The following PATJ variants were observed in gnomAD, a reference collection of about 807,000 sequenced individuals.
PATJ encodes PATJ crumbs cell polarity complex component.
A neutral mutation model predicts 224.9 loss-of-function variants in PATJ; 190 were observed. The ratio of observed to expected loss-of-function variants is 0.84; its 90% CI spans 0.75 to 0.95. The LOEUF is 0.95. PATJ is among the 40% of genes least tolerant of loss of function. The pLI is 0.00. For synonymous variants in PATJ, 769 were observed against 820.3 expected, an observed-to-expected ratio of 0.94 and a Z score of 1.07; for missense variants, 2,121 against 2,270.3, an observed-to-expected ratio of 0.93 and a Z score of 1.34.
intron 27 of PATJ, among the ~76,000 whole-genome samples, chr1:61,938,531 A>AT (rs1677247056): frequency 1.3e-5 from 2 of 152,118 alleles, no homozygotes; most frequent in Admixed American, 1.3e-4. Flanking sequence ...TGTATCTAAA[A>AT]TAAAAGTTGA....
chr1:62,094,558 A>AACACAC lies in PATJ; in HGVS notation c.4377+9956_4377+9961dup, dbSNP rs58104906. On this transcript the variant is annotated intron_variant, in intron 33 of 43. Coordinates refer to ENST00000642238, the MANE Select transcript of PATJ (RefSeq NM_001350145.3). ...CTGAACCTAACCTAGATTCTGTCTC[A>AACACAC]ACACACACACACACACACACACACA... is the stretch of plus-strand genomic sequence containing the variant. Among the ~76,000 whole-genome samples the AACACAC allele has an allele frequency of 6.5e-3, 857 of 132,506 alleles. 8 individuals are homozygous for AACACAC. Among genetic ancestry groups the AACACAC allele is most frequent in the African/African-American group, 0.013 (454 of 35,096 alleles). The allele number at this position is 132,506 out of a possible 152,430, so 86.9% of individuals were successfully genotyped here.
chr1:62,002,797 T>C (rs1025882408), intron 28 of PATJ, among the ~76,000 whole-genome samples: 3 of 151,596 alleles, frequency 2.0e-5, no homozygotes, highest in Admixed American at 6.6e-5. Flanking sequence ...CTTTGATGAC[T>C]GAATGGGTTT....
intron 41 of PATJ, among the ~76,000 whole-genome samples, chr1:62,135,189 A>G (rs921259662): frequency 1.3e-5 from 2 of 152,068 alleles, no homozygotes; most frequent in African/African-American, 2.4e-5. Flanking sequence ...CAGGGGTAAG[A>G]AAAGTAGTCT....
intron 43 of PATJ, among the ~76,000 whole-genome samples, chr1:62,157,943 C>T (rs1558249743): frequency 6.7e-6 from 1 of 148,532 alleles, no homozygotes; most frequent in African/African-American, 2.4e-5. Context: ...ACTTCAGCAA[C>T]TCTAAAAATT....
intron 27 of PATJ, among the ~76,000 whole-genome samples, chr1:61,943,764 C>G (rs1009522544): frequency 1.3e-5 from 2 of 152,212 alleles, no homozygotes; most frequent in Admixed American, 6.5e-5. Context: ...AGTTTGAGAT[C>G]TGAGAACAGA....
chr1:61,965,036 C>T (rs113778567), intron 27 of PATJ, among the ~76,000 whole-genome samples: 3,576 of 142,178 alleles, frequency 0.025, 67 homozygotes, highest in Middle Eastern at 0.052. Flanking sequence ...TGCTTGAACC[C>T]GAAAGGTGGA....
intron 27 of PATJ, among the ~76,000 whole-genome samples, chr1:61,944,428 T>G (rs147008204): frequency 0.02 from 3,119 of 152,194 alleles, 74 homozygotes; most frequent in African/African-American, 0.053. Flanking sequence ...ACGTGACGAA[T>G]GCACAAGCTT....
chr1:62,043,208 A>G lies in PATJ; in HGVS notation c.4032+5159A>G, dbSNP rs574441075. Among the ~76,000 whole-genome samples, 5 of 152,258 alleles carry G rather than the reference A, an allele frequency of 3.3e-5. No homozygotes were observed. In the East Asian group the frequency reaches 9.7e-4, roughly 29 times the overall value. On this transcript the variant is annotated intron_variant, in intron 30 of 43. Coordinates refer to ENST00000642238, the MANE Select transcript of PATJ (RefSeq NM_001350145.3). ...GCCTCCTCTGCCTGTGTCAAAGGGT[A>G]GTTATGAGGGCCAGGTGTAAAAATA... is the stretch of plus-strand genomic sequence containing the variant.
intron 11 of PATJ, among the ~76,000 whole-genome samples, chr1:61,799,176 T>A (rs576380292): frequency 2.3e-3 from 346 of 152,170 alleles, no homozygotes; most frequent in African/African-American, 5.6e-3. Flanking sequence ...ATTAAAAAAA[T>A]TTTTTTTAAT....
At chr1:61,796,454 A>T (rs760619945) in intron 10 of PATJ, among the ~76,000 whole-genome samples, 2 of 152,212 alleles carry the variant, frequency 1.3e-5, no homozygotes, top group Non-Finnish European at 1.5e-5. Flanking sequence ...AATGGCTTCT[A>T]TTAATACATC....
In PATJ at chr1:61,984,848, C is replaced by T. The variant is rs1644658854; in HGVS notation, c.3671-5320C>T. Among the ~76,000 whole-genome samples, 3 of 152,144 alleles carry T rather than the reference C, an allele frequency of 2.0e-5. No homozygotes were observed. The South Asian group carries it at 6.2e-4, about 32-fold the overall frequency. ...CTTATCTCTCTGAATTATAACTAGT[C>T]ATATGCGTGCTTGTCTCCAGTGATA... is the stretch of plus-strand genomic sequence containing the variant. On this transcript the variant is annotated intron_variant, in intron 27 of 43. Coordinates refer to ENST00000642238, the MANE Select transcript of PATJ (RefSeq NM_001350145.3).
chr1:61,926,627 G>A lies in PATJ; in HGVS notation c.3571-1103G>A, dbSNP rs553837932. Among the ~76,000 whole-genome samples, 210 of 152,134 alleles carry A rather than the reference G, an allele frequency of 1.4e-3. 1 individual carries two copies. Among genetic ancestry groups the A allele is most frequent in the South Asian group, 4.1e-3 (20 of 4,826 alleles). ...TCTGTATTCTCCTATTGCCTAAGAG[G>A]CATTTTGTATTTGGCATCTTCTGCC... On this transcript the variant is annotated intron_variant, in intron 26 of 43. Transcript: ENST00000642238.
At chr1:62,049,992 T>TGTA (rs1200126142) in intron 30 of PATJ, among the ~76,000 whole-genome samples, 1 of 151,954 alleles carries the variant, frequency 6.6e-6, no homozygotes, top group Admixed American at 6.6e-5. Flanking sequence ...GGCATGCACC[T>TGTA]GTAGTCCCAG....
In PATJ at chr1:62,033,112, G is replaced by A. The variant is rs990756418; in HGVS notation, c.3960-4865G>A. The stretch of plus-strand genomic sequence containing the variant: ...TGAGGACACAGCCAAACCATATCAG[G>A]TATTAATGCCACAATTGTAGTTGTT... On this transcript the variant is annotated intron_variant, in intron 29 of 43. Transcript: ENST00000642238. Among the ~76,000 whole-genome samples the A allele has an allele frequency of 2.0e-5, 3 of 152,098 alleles. 1 individual carries two copies. In the South Asian group the frequency reaches 6.2e-4, roughly 32 times the overall value.
At chr1:61,812,354 TAGAGAGAGAGAG>T (rs71050165) in intron 14 of PATJ, among the ~76,000 whole-genome samples, 143 of 111,736 alleles carry the variant, frequency 1.3e-3, no homozygotes, top group Middle Eastern at 4.5e-3. Flanking sequence ...GGGGAGGGAA[TAGAGAGAGAGAG>T]AGAGAGAGAG....
intron 31 of PATJ, chr1:62,072,589 C>T (rs975671799): frequency 1.3e-5 from 2 of 151,356 alleles, no homozygotes; most frequent in Non-Finnish European, 2.9e-5. Flanking sequence ...TGGTGACCTC[C>T]TGGGAGGAGG....
chr1:61,863,270 A>C (rs1664921238), intron 19 of PATJ, among the ~76,000 whole-genome samples: 1 of 151,988 alleles, frequency 6.6e-6, no homozygotes, highest in East Asian at 1.9e-4. Context: ...TCTTGTACTC[A>C]AGAGATCCTC....
intron 17 of PATJ, among the ~76,000 whole-genome samples, chr1:61,855,538 C>T (rs1171405766): frequency 6.6e-6 from 1 of 151,950 alleles, no homozygotes; most frequent in African/African-American, 2.4e-5. Flanking sequence ...GCTCCACCTC[C>T]CTGGTAGTTC....
At chr1:61,949,448 C>T (rs1170070437) in intron 27 of PATJ, among the ~76,000 whole-genome samples, 1 of 152,098 alleles carries the variant, frequency 6.6e-6, no homozygotes, top group Non-Finnish European at 1.5e-5. Flanking sequence ...TGTATATTTA[C>T]AGTGAGTGAA....
Sources: allele counts gnomAD v4.1 joint callset (sites outside exome capture counted in the v4.1 genomes callset), GRCh38; gene constraint gnomAD v4.1.1; transcripts MANE v1.5; gene names NCBI Gene and HGNC (gene_info 2026-07-23, HGNC 2026-07-21).